The following ANKIB1 variants were observed in gnomAD, a reference collection of about 807,000 sequenced individuals.
ANKIB1 encodes the protein ankyrin repeat and IBR domain-containing protein 1.
Under a neutral mutation model 122.1 loss-of-function variants are expected in ANKIB1, and 43 were observed. The ratio of observed to expected loss-of-function variants is 0.35; its 90% confidence interval spans 0.28 to 0.45. The LOEUF (loss-of-function observed/expected upper bound fraction) is 0.45, where lower values mean the gene tolerates loss of function less well. ANKIB1 is among the 20% of genes least tolerant of loss of function. The pLI is 1.00. For synonymous variants in ANKIB1, 390 were observed against 442.0 expected, an observed-to-expected ratio of 0.88 and a Z score of 1.48; for missense variants, 992 against 1,329.5, an observed-to-expected ratio of 0.75 and a Z score of 3.95.
rs555758157 is a variant in ANKIB1, at chr7:92,342,668, A to G, written c.788-356A>G. Among the ~76,000 whole-genome samples, 33 of 152,312 alleles carry G rather than the reference A, an allele frequency of 2.2e-4. No individual in the cohort carries two copies. In the South Asian group the frequency reaches 6.6e-3, roughly 31 times the overall value. On this transcript the variant is annotated intron_variant, in intron 5 of 19. Coordinates refer to ENST00000265742, the MANE Select transcript of ANKIB1 (RefSeq NM_019004.2). ...TGAGGACAGTTAAAAAATTATATAT[A>G]CTTTTGGAAAGAGTAAAGAAGCTAA...
chr7:92,336,978 A>T (rs1585113698), intron 5 of ANKIB1, among the ~76,000 whole-genome samples: 1 of 152,190 alleles, frequency 6.6e-6, no homozygotes, highest in Non-Finnish European at 1.5e-5. Context: ...AGTTTCCCTT[A>T]TGGTTTTCTT....
intron 7 of ANKIB1, 125 bp from the exon 8 acceptor site, chr7:92,350,825 C>T: frequency 2.1e-6 from 2 of 953,924 alleles, no homozygotes; most frequent in South Asian, 1.8e-5. Context: ...CCACTGCACT[C>T]CAACCTGAGT....
intron 1 of ANKIB1, among the ~76,000 whole-genome samples, chr7:92,265,947 A>G (rs1032699579): frequency 1.3e-5 from 2 of 152,242 alleles, no homozygotes; most frequent in Admixed American, 6.5e-5. Flanking sequence ...TCATCAGTAT[A>G]TGTAAGTTTT....
intron 1 of ANKIB1, among the ~76,000 whole-genome samples, chr7:92,283,849 C>CA (rs1175276317): frequency 6.6e-6 from 1 of 152,190 alleles, no homozygotes; most frequent in Non-Finnish European, 1.5e-5. Flanking sequence ...CGGCTCACTG[C>CA]AACCTCCGTC....
intron 1 of ANKIB1, among the ~76,000 whole-genome samples, chr7:92,282,779 G>A (rs1314714207): frequency 6.6e-6 from 1 of 152,118 alleles, no homozygotes; most frequent in Non-Finnish European, 1.5e-5. Context: ...ATGTTTAAAA[G>A]CTGAATACTG....
chr7:92,322,565 T>G (rs994754024), intron 4 of ANKIB1, among the ~76,000 whole-genome samples: 3 of 152,156 alleles, frequency 2.0e-5, no homozygotes, highest in Non-Finnish European at 4.4e-5. Context: ...TAACAGTTTC[T>G]TAAGTGTACT....
At chr7:92,271,771 C>T (rs1235631636) in intron 1 of ANKIB1, among the ~76,000 whole-genome samples, 1 of 151,778 alleles carries the variant, frequency 6.6e-6, no homozygotes, top group African/African-American at 2.4e-5. Context: ...TAAAATAGAA[C>T]AAAATATAAA....
chr7:92,276,972 C>A lies in ANKIB1; in HGVS notation c.-90-17917C>A, dbSNP rs557107398. ...TTCTCATGAATGGTTTAGCACCATCCCCTTGCTGTGATAAAGAGTGAGTTT... is the reference window on the plus strand; with the variant it reads ...TTCTCATGAATGGTTTAGCACCATCACCTTGCTGTGATAAAGAGTGAGTTT... On this transcript the variant is annotated intron_variant, in intron 1 of 19. Coordinates refer to ENST00000265742, the MANE Select transcript of ANKIB1 (RefSeq NM_019004.2). Among the ~76,000 whole-genome samples the A allele has an allele frequency of 2.0e-5, 3 of 152,198 alleles. No individual in the cohort carries two copies. The East Asian group carries it at 5.8e-4, about 29-fold the overall frequency.
intron 10 of ANKIB1, among the ~76,000 whole-genome samples, chr7:92,367,943 G>A (rs927498756): frequency 6.6e-6 from 1 of 152,018 alleles, no homozygotes; most frequent in Non-Finnish European, 1.5e-5. Flanking sequence ...ATCACTTGAC[G>A]CTCAGAGTTC....
chr7:92,387,992 TA>T lies in ANKIB1; in HGVS notation c.1861del (p.Thr621GlnfsTer9). The stretch of plus-strand genomic sequence containing the variant: ...TCCTTTAGCTAGAACAACGCCTTCT[TA>T]AAACAGCCAAAGAAAAGATGGAGCA... ...HSYQLEQRLL[K>X]TAKEKMEQLS... On this transcript the variant is annotated frameshift_variant, in exon 14 of 20. Transcript: ENST00000265742. LOFTEE classifies it high-confidence loss of function. 6.3e-7 allele frequency: 1 copy of T among 1,583,518 alleles called. No homozygotes were observed. The highest frequency in any genetic ancestry group is 1.3e-5 in the African/African-American group (1 of 74,332).
chr7:92,334,704 C>T (rs1803249718), intron 5 of ANKIB1, among the ~76,000 whole-genome samples: 1 of 151,716 alleles, frequency 6.6e-6, no homozygotes, highest in Non-Finnish European at 1.5e-5. Context: ...ACGTTTATAA[C>T]AATAGTATGC....
chr7:92,314,075 G>A (rs1006470484), intron 3 of ANKIB1, among the ~76,000 whole-genome samples: 5 of 151,966 alleles, frequency 3.3e-5, no homozygotes, highest in Non-Finnish European at 5.9e-5. Context: ...AGGCGGGAGC[G>A]TATCTTGAGC....
intron 1 of ANKIB1, among the ~76,000 whole-genome samples, chr7:92,277,285 A>G (rs930295671): frequency 6.6e-6 from 1 of 152,234 alleles, no homozygotes; most frequent in African/African-American, 2.4e-5. Flanking sequence ...AGAATTCACA[A>G]TTGTTAGGAT....
chr7:92,266,342 G>A (rs1801671593), intron 1 of ANKIB1, among the ~76,000 whole-genome samples: 2 of 152,122 alleles, frequency 1.3e-5, no homozygotes, highest in Admixed American at 6.5e-5. Context: ...TACTATAACA[G>A]GAGATTACCT....
At chr7:92,348,301 C>G (rs751244425) in intron 7 of ANKIB1, among the ~76,000 whole-genome samples, 7 of 152,000 alleles carry the variant, frequency 4.6e-5, no homozygotes, top group Admixed American at 4.6e-4. Context: ...CCCAGGGAAT[C>G]TCTTCATAGC....
At chr7:92,341,925 G>T (rs1204106060) in intron 5 of ANKIB1, among the ~76,000 whole-genome samples, 1 of 152,032 alleles carries the variant, frequency 6.6e-6, no homozygotes, top group Admixed American at 6.6e-5. Flanking sequence ...CGTAAGTCAA[G>T]GAGCATCTAT....
chr7:92,269,984 G>T (rs1241661289), intron 1 of ANKIB1, among the ~76,000 whole-genome samples: 1 of 148,468 alleles, frequency 6.7e-6, no homozygotes, highest in African/African-American at 2.5e-5. Context: ...AGGCCCCAGT[G>T]TGTGAGTTCC....
chr7:92,363,470 G>C (rs538169189), intron 10 of ANKIB1, among the ~76,000 whole-genome samples: 1 of 152,330 alleles, frequency 6.6e-6, no homozygotes, highest in Admixed American at 6.5e-5. Flanking sequence ...GATGATGCCA[G>C]ACTTCAGGGC....
In ANKIB1 at chr7:92,398,487, C is replaced by T. The variant is rs764074228; in HGVS notation, c.2808C>T (p.Thr936=). 8 of 1,613,930 alleles carry T rather than the reference C, an allele frequency of 5.0e-6. No individual in the cohort carries two copies. The Admixed American group carries it at 1.2e-4, about 24-fold the overall frequency. The change falls in exon 20 of 20, where the codon ACC becomes ACT. Residue 936 remains threonine, a synonymous_variant. Transcript: ENST00000265742. ...AGAATGACCCATTTTCAACTGACAC[C>T]CTGAGCTCACACCCTCTCAGTGAGG... ...GAENDPFSTD[T]LSSHPLSEAR...
Sources: gnomAD v4.1 joint callset for allele counts (sites outside exome capture counted in the v4.1 genomes callset) on GRCh38, gnomAD v4.1.1 for gene constraint, MANE v1.5 for transcripts, NCBI Gene and HGNC (gene_info 2026-07-23, HGNC 2026-07-21) for gene names.